Variants in KRABD5 observed in about 807,000 individuals in gnomAD.
The protein encoded by KRABD5 is KRAB domain-containing protein 5.
chr16:31,735,997 T>C, the KRABD5 span, among the ~76,000 whole-genome samples: 4 of 152,238 alleles, frequency 2.6e-5, no homozygotes, highest in Admixed American at 2.0e-4. Flanking sequence ...GTAAAGTATT[T>C]GCCCTGTTTT....
the KRABD5 span, chr16:31,753,949 A>G: frequency 4.5e-6 from 7 of 1,549,316 alleles, no homozygotes; most frequent in East Asian, 1.5e-4. Context: ...ACAAAATGTA[A>G]GACAACTACC....
chr16:31,716,168 C>T, the KRABD5 span, among the ~76,000 whole-genome samples: 1 of 152,172 alleles, frequency 6.6e-6, no homozygotes, highest in Non-Finnish European at 1.5e-5. Flanking sequence ...TATCCTTGCC[C>T]CCAGACCCTG....
chr16:31,730,964 G>A, the KRABD5 span, among the ~76,000 whole-genome samples: 1 of 152,036 alleles, frequency 6.6e-6, no homozygotes, highest in Non-Finnish European at 1.5e-5. Flanking sequence ...TTATCTATCT[G>A]TGTTCTTTTG....
At chr16:31,724,353 A>T in the KRABD5 span, among the ~76,000 whole-genome samples, 1 of 152,180 alleles carries the variant, frequency 6.6e-6, no homozygotes, top group Non-Finnish European at 1.5e-5. Context: ...CATATTAATC[A>T]TCTCACATAG....
chr16:31,754,007 T>G, the KRABD5 span: 2 of 1,332,938 alleles, frequency 1.5e-6, no homozygotes, highest in Non-Finnish European at 1.1e-6. Context: ...ATGAAAAAAC[T>G]CAATTTATGT....
the KRABD5 span, among the ~76,000 whole-genome samples, chr16:31,728,633 A>G: frequency 2.0e-5 from 3 of 152,010 alleles, no homozygotes; most frequent in Non-Finnish European, 4.4e-5. Flanking sequence ...TCAGTTTTAT[A>G]TCAGTGCAAT....
At chr16:31,729,959 C>G in the KRABD5 span, among the ~76,000 whole-genome samples, 2 of 151,930 alleles carry the variant, frequency 1.3e-5, no homozygotes, top group Non-Finnish European at 2.9e-5. Context: ...CATTTTAAAA[C>G]TTTTTATATT....
the KRABD5 span, chr16:31,759,528 A>G: frequency 8.8e-4 from 927 of 1,050,656 alleles, 4 homozygotes; most frequent in South Asian, 1.2e-3. Context: ...ATGCCTTGCA[A>G]TGTATGTACA....
the KRABD5 span, among the ~76,000 whole-genome samples, chr16:31,716,313 AGT>A: frequency 6.6e-6 from 1 of 152,162 alleles, no homozygotes; most frequent in African/African-American, 2.4e-5. Flanking sequence ...AGCACAAACC[AGT>A]CCTTCCACCA....
At chr16:31,756,199 T>A in the KRABD5 span, 122,008 of 152,132 alleles carry the variant, frequency 0.8, 49,562 homozygotes, top group African/African-American at 0.92. Context: ...ACTTATTTTC[T>A]TGGAAATTTA....
chr16:31,733,369 A>G, the KRABD5 span: 115 of 367,684 alleles, frequency 3.1e-4, 1 homozygote, highest in African/African-American at 2.4e-3. Context: ...GAAACATTTT[A>G]TAACTATCTC....
chr16:31,755,211 T>C, the KRABD5 span: 1 of 474,172 alleles, frequency 2.1e-6, no homozygotes. Flanking sequence ...GGAGAAAAAC[T>C]TTACAAATGT....
the KRABD5 span, chr16:31,755,386 A>G: frequency 2.0e-6 from 1 of 501,630 alleles, no homozygotes; most frequent in South Asian, 1.5e-5. Flanking sequence ...AACCCTACAT[A>G]TGTAAAGAAT....
At chr16:31,726,161 G>A in the KRABD5 span, among the ~76,000 whole-genome samples, 1 of 152,050 alleles carries the variant, frequency 6.6e-6, no homozygotes, top group African/African-American at 2.4e-5. Flanking sequence ...TTTGTATATG[G>A]TATAAATGTT....
chr16:31,714,352 C>T, the KRABD5 span: 3 of 456,082 alleles, frequency 6.6e-6, no homozygotes, highest in Non-Finnish European at 1.3e-5. Context: ...TTGCTATTTT[C>T]CTGAAACCTG....
the KRABD5 span, among the ~76,000 whole-genome samples, chr16:31,749,753 G>T: frequency 6.6e-6 from 1 of 152,300 alleles, no homozygotes; most frequent in African/African-American, 2.4e-5. Flanking sequence ...TTTCTCTGTG[G>T]ATCATGCCAG....
the KRABD5 span, chr16:31,754,262 A>T: frequency 1.3e-5 from 8 of 635,200 alleles, no homozygotes; most frequent in South Asian, 9.0e-5. Flanking sequence ...GATCTTTGTT[A>T]AAAGTTTGTT....
At chr16:31,753,693 G>A in the KRABD5 span, 1 of 1,330,492 alleles carries the variant, frequency 7.5e-7, no homozygotes. Context: ...GATATAATTT[G>A]TGTATTAGAT....
chr16:31,718,149 C>G, the KRABD5 span, among the ~76,000 whole-genome samples: 1 of 152,086 alleles, frequency 6.6e-6, no homozygotes, highest in East Asian at 1.9e-4. Context: ...ACTTCTCTGC[C>G]CCTCCAGCAC....
Sources: gnomAD v4.1 joint callset for allele counts (sites outside exome capture counted in the v4.1 genomes callset) on GRCh38, gnomAD v4.1.1 for gene constraint, MANE v1.5 for transcripts, NCBI Gene and HGNC (gene_info 2026-07-23, HGNC 2026-07-21) for gene names.